ARHGAP15: variants seen among roughly 807,000 people sequenced by gnomAD.
The protein encoded by ARHGAP15 is Rho GTPase activating protein 15.
In ARHGAP15, 51 loss-of-function variants were observed where a neutral mutation model predicts 63.7. The ratio of observed to expected loss-of-function variants is 0.80; its 90% CI spans 0.64 to 1.01. The LOEUF is 1.01. ARHGAP15 is among the 50% of genes least tolerant of loss of function. ARHGAP15 has a pLI of 0.00. For synonymous variants in ARHGAP15, 191 were observed against 193.8 expected (o/e 0.99, Z 0.12); for missense variants, 560 against 564.6 (o/e 0.99, Z 0.08).
chr2:143,247,289 T>G (rs1295639364), intron 5 of ARHGAP15: 4 of 152,388 alleles, frequency 2.6e-5, no homozygotes, highest in African/African-American at 9.7e-5. Flanking sequence ...AGCAAGAGGT[T>G]GTGGTTTTCC....
chr2:143,308,935 CAAAAAA>C (rs35757623), intron 6 of ARHGAP15, among the ~76,000 whole-genome samples: 2,147 of 107,368 alleles, frequency 0.02, 57 homozygotes, highest in African/African-American at 0.067. Context: ...TCCTGGCAGC[CAAAAAA>C]AAAAAAAAAA....
intron 6 of ARHGAP15, among the ~76,000 whole-genome samples, chr2:143,399,780 T>C (rs1687919560): frequency 6.6e-6 from 1 of 151,972 alleles, no homozygotes. Context: ...AATGTGCCCC[T>C]CTGGAAAGCC....
intron 6 of ARHGAP15, among the ~76,000 whole-genome samples, chr2:143,290,550 CAT>C (rs1252066880): frequency 1.3e-5 from 2 of 151,832 alleles, no homozygotes; most frequent in Non-Finnish European, 2.9e-5. Context: ...TTTCATATAA[CAT>C]ATATTTAAAT....
At chr2:143,597,455 A>G (rs750910435) in intron 11 of ARHGAP15, among the ~76,000 whole-genome samples, 1 of 152,102 alleles carries the variant, frequency 6.6e-6, no homozygotes, top group East Asian at 1.9e-4. Context: ...CAAGAGACCA[A>G]TCATGAGAAC....
At chr2:143,708,288 G>A (rs1455455295) in intron 13 of ARHGAP15, among the ~76,000 whole-genome samples, 2 of 152,124 alleles carry the variant, frequency 1.3e-5, no homozygotes, top group Non-Finnish European at 2.9e-5. Flanking sequence ...TTTTTTAAAT[G>A]TATTATATTA....
chr2:143,568,437 A>G (rs559811725), intron 11 of ARHGAP15, among the ~76,000 whole-genome samples: 2 of 152,380 alleles, frequency 1.3e-5, no homozygotes, highest in East Asian at 3.9e-4. Context: ...TGGTCATCAG[A>G]GAAATGCAAA....
intron 10 of ARHGAP15, among the ~76,000 whole-genome samples, chr2:143,527,256 A>G (rs1008095656): frequency 2.6e-5 from 4 of 152,098 alleles, no homozygotes; most frequent in Admixed American, 6.6e-5. Flanking sequence ...ATGAATGAAC[A>G]TGACATATTT....
intron 8 of ARHGAP15, among the ~76,000 whole-genome samples, chr2:143,480,341 G>C (rs553327185): frequency 6.6e-6 from 1 of 152,276 alleles, no homozygotes; most frequent in African/African-American, 2.4e-5. Context: ...ACTACTTAAA[G>C]TTGATAATGC....
chr2:143,423,076 A>G (rs1483324719), intron 6 of ARHGAP15, among the ~76,000 whole-genome samples: 1 of 152,130 alleles, frequency 6.6e-6, no homozygotes, highest in Non-Finnish European at 1.5e-5. Flanking sequence ...AAAAGAGGAA[A>G]AGATCAGGAA....
intron 8 of ARHGAP15, among the ~76,000 whole-genome samples, chr2:143,465,606 T>C (rs1226655918): frequency 6.6e-6 from 1 of 152,128 alleles, no homozygotes; most frequent in African/African-American, 2.4e-5. Context: ...TTTTCCAGTT[T>C]AGAAATCCAA....
intron 8 of ARHGAP15, among the ~76,000 whole-genome samples, chr2:143,481,144 G>A (rs1465519632): frequency 6.6e-6 from 1 of 151,964 alleles, no homozygotes; most frequent in Non-Finnish European, 1.5e-5. Flanking sequence ...ATACTGCAGA[G>A]TGGTAAGATG....
At chr2:143,661,296 A>G (rs1446804813) in intron 12 of ARHGAP15, among the ~76,000 whole-genome samples, 2 of 152,186 alleles carry the variant, frequency 1.3e-5, no homozygotes, top group Admixed American at 6.5e-5. Flanking sequence ...AGAGATTAGG[A>G]TAGGGCCATC....
At chr2:143,653,932 A>G (rs143134850) in intron 12 of ARHGAP15, among the ~76,000 whole-genome samples, 20 of 152,344 alleles carry the variant, frequency 1.3e-4, no homozygotes, top group African/African-American at 3.8e-4. Flanking sequence ...TTAAGTTTTT[A>G]TCCTGAAGGC....
chr2:143,643,427 A>C (rs868385883), intron 12 of ARHGAP15, among the ~76,000 whole-genome samples: 2,121 of 127,652 alleles, frequency 0.017, no homozygotes, highest in African/African-American at 0.028. Flanking sequence ...CCCTCCACCC[A>C]CCCCCCCCCA....
intron 13 of ARHGAP15, among the ~76,000 whole-genome samples, chr2:143,728,463 C>A (rs1574899771): frequency 6.6e-6 from 1 of 152,164 alleles, no homozygotes; most frequent in Non-Finnish European, 1.5e-5. Flanking sequence ...ATATCACACA[C>A]AAAGGGTATA....
chr2:143,501,526 C>T (rs534732529), intron 9 of ARHGAP15, among the ~76,000 whole-genome samples: 284 of 152,234 alleles, frequency 1.9e-3, no homozygotes, highest in Admixed American at 4.5e-3. Flanking sequence ...TTTAGAAGAG[C>T]GAGGTTAGAC....
Position 143,487,353 on chromosome 2 carries a change from T to C in ARHGAP15, c.704-20T>C. On this transcript the variant is annotated intron_variant, in intron 8 of 13. Coordinates refer to ENST00000295095, the MANE Select transcript of ARHGAP15 (RefSeq NM_018460.4). ...AAAGGAGAAATTTACCAAAAGCCTC[T>C]GATTTTTTTAAATCTTCAGTGTTCA... 6.3e-7 allele frequency: 1 copy of C among 1,587,524 alleles called. No individual in the cohort carries two copies. Among genetic ancestry groups the C allele is most frequent in the Non-Finnish European group, 8.5e-7 (1 of 1,172,152 alleles).
chr2:143,602,911 T>G (rs1697830000), intron 11 of ARHGAP15, among the ~76,000 whole-genome samples: 1 of 152,158 alleles, frequency 6.6e-6, no homozygotes, highest in Admixed American at 6.5e-5. Context: ...TAAATGAGAT[T>G]AGTGAAGGTG....
intron 2 of ARHGAP15, among the ~76,000 whole-genome samples, chr2:143,189,900 GT>G (rs1691613384): frequency 6.6e-6 from 1 of 151,822 alleles, no homozygotes; most frequent in African/African-American, 2.4e-5. Context: ...TATTATTTCT[GT>G]TTTTATGAAT....
Sources: gnomAD v4.1 joint callset for allele counts (sites outside exome capture counted in the v4.1 genomes callset) on GRCh38, gnomAD v4.1.1 for gene constraint, MANE v1.5 for transcripts, NCBI Gene and HGNC (gene_info 2026-07-23, HGNC 2026-07-21) for gene names.